The following GRB10 variants were observed in gnomAD, a reference collection of about 807,000 sequenced individuals.
GRB10 encodes growth factor receptor bound protein 10.
In GRB10, 20 loss-of-function variants were observed where a neutral mutation model predicts 80.9. That is an observed-to-expected ratio of 0.25 (90% CI 0.17 to 0.36). GRB10 has a LOEUF of 0.36. Among genes scored for constraint, GRB10 ranks in the 10% least tolerant of loss-of-function variants. The pLI, the probability that GRB10 is intolerant of heterozygous loss-of-function variation, is 1.00. For missense variants in GRB10, 548 were observed against 747.7 expected (o/e 0.73, Z 3.12); for synonymous variants, 291 against 291.5 (o/e 1.00, Z 0.02).
At chr7:50,598,320 T>C (rs1222191617) in intron 17 of GRB10, among the ~76,000 whole-genome samples, 2 of 152,200 alleles carry the variant, frequency 1.3e-5, no homozygotes, top group African/African-American at 4.8e-5. Flanking sequence ...ATTGCAGTTA[T>C]AGGAAAGATG....
intron 5 of GRB10, among the ~76,000 whole-genome samples, chr7:50,696,872 G>A (rs2063491958): frequency 6.6e-6 from 1 of 152,206 alleles, no homozygotes; most frequent in Non-Finnish European, 1.5e-5. Flanking sequence ...GTTCACAGCA[G>A]CACTATTCCC....
At chr7:50,669,606 GAGA>G in intron 7 of GRB10, 113 bp downstream of exon 7, 1 of 983,092 alleles carries the variant, frequency 1.0e-6, no homozygotes, top group South Asian at 1.4e-5. Flanking sequence ...AGAACTGAGA[GAGA>G]AGATCCCAGG....
At chr7:50,718,702 T>C (rs1402931625) in intron 4 of GRB10, among the ~76,000 whole-genome samples, 3 of 152,256 alleles carry the variant, frequency 2.0e-5, no homozygotes, top group East Asian at 3.9e-4. Flanking sequence ...TAACACCCAG[T>C]TCACCAGGAG....
intron 7 of GRB10, among the ~76,000 whole-genome samples, chr7:50,663,620 C>T (rs2059498950): frequency 6.6e-6 from 1 of 152,260 alleles, no homozygotes; most frequent in African/African-American, 2.4e-5. Context: ...ACTGGAGCCA[C>T]GTGTCTAACT....
chr7:50,780,428 A>G (rs561899866), intron 2 of GRB10, among the ~76,000 whole-genome samples, 199 bp downstream of exon 2: 75 of 152,194 alleles, frequency 4.9e-4, no homozygotes, highest in African/African-American at 1.7e-3. Context: ...TCTGCCCTTG[A>G]CCCTTCAGAC....
chr7:50,710,909 G>A (rs1205838534), intron 4 of GRB10: 1 of 1,612,600 alleles, frequency 6.2e-7, no homozygotes, highest in Non-Finnish European at 8.5e-7. Flanking sequence ...AGCTTGCATA[G>A]GAGGTCTCTC....
At chr7:50,703,566 GA>G (rs67529864) in intron 5 of GRB10, among the ~76,000 whole-genome samples, 11,248 of 152,244 alleles carry the variant, frequency 0.074, 1,422 homozygotes, top group African/African-American at 0.26. Context: ...CCTTTCGGCT[GA>G]AACCTAGATA....
In GRB10 at chr7:50,647,434, G is replaced by A. The variant is rs991903556; in HGVS notation, c.505-20456C>T. Among the ~76,000 whole-genome samples, 4 of 152,202 alleles carry A rather than the reference G, an allele frequency of 2.6e-5. No homozygotes were observed. In the East Asian group the frequency reaches 5.8e-4, roughly 22 times the overall value. ...CATCTCAGGCCCAGCTACATGGGGA[G>A]GGTGCGGATGTGCCCTCACTGTCAG... On this transcript the variant is annotated intron_variant, in intron 7 of 18. Coordinates refer to ENST00000401949, the MANE Select transcript of GRB10 (RefSeq NM_001350814.2).
At chr7:50,770,140 G>C (rs1269467330) in intron 2 of GRB10, among the ~76,000 whole-genome samples, 1 of 152,208 alleles carries the variant, frequency 6.6e-6, no homozygotes, top group African/African-American at 2.4e-5. Flanking sequence ...AGGCTCTCTA[G>C]ACTCAGGCGA....
At chr7:50,624,906 CCTTT>C (rs1311265917) in intron 8 of GRB10, among the ~76,000 whole-genome samples, 1 of 151,050 alleles carries the variant, frequency 6.6e-6, no homozygotes, top group Non-Finnish European at 1.5e-5. Flanking sequence ...TTTCCCTTTC[CCTTT>C]TTTTCCTTTT....
At chr7:50,695,332 G>T (rs193018956) in intron 5 of GRB10, among the ~76,000 whole-genome samples, 3 of 152,246 alleles carry the variant, frequency 2.0e-5, no homozygotes, top group Admixed American at 1.3e-4. Flanking sequence ...CTTGACAACT[G>T]CAAAACCTTT....
chr7:50,634,212 C>T (rs1316905653), intron 7 of GRB10, among the ~76,000 whole-genome samples: 5 of 152,154 alleles, frequency 3.3e-5, no homozygotes, highest in African/African-American at 1.2e-4. Flanking sequence ...CCTTACAAGT[C>T]AGAAGAGACT....
intron 4 of GRB10, among the ~76,000 whole-genome samples, chr7:50,725,091 C>T (rs1260135619): frequency 1.3e-5 from 2 of 152,098 alleles, no homozygotes; most frequent in African/African-American, 4.8e-5. Context: ...GCTGTAATGG[C>T]GACTGATATG....
chr7:50,710,887 C>A, intron 4 of GRB10: 2 of 1,612,860 alleles, frequency 1.2e-6, no homozygotes, highest in South Asian at 2.2e-5. Context: ...TACTACGGAA[C>A]AGAGGGCCGG....
intron 17 of GRB10, 72 bp from the exon 18 acceptor site, chr7:50,595,602 T>TACAGAC (rs1554453296): frequency 1.8e-6 from 1 of 560,268 alleles, no homozygotes; most frequent in African/African-American, 2.0e-5. Flanking sequence ...CACACTCTCT[T>TACAGAC]ACACACACAC....
intron 3 of GRB10, among the ~76,000 whole-genome samples, chr7:50,739,387 G>A (rs2329425): frequency 6.6e-6 from 1 of 152,070 alleles, no homozygotes; most frequent in African/African-American, 2.4e-5. Context: ...GTTTATGGTG[G>A]ATTTAAACTG....
intron 7 of GRB10, among the ~76,000 whole-genome samples, chr7:50,652,199 TA>T (rs2058075460): frequency 6.6e-6 from 1 of 152,166 alleles, no homozygotes; most frequent in African/African-American, 2.4e-5. Context: ...ACTCCATCTA[TA>T]AAAGTAAGTG....
intron 4 of GRB10, among the ~76,000 whole-genome samples, chr7:50,721,422 C>T (rs908555657): frequency 2.6e-5 from 4 of 152,142 alleles, no homozygotes; most frequent in Non-Finnish European, 4.4e-5. Context: ...GATCAACTGC[C>T]GCGGATCACA....
At chr7:50,602,783 T>G (rs1490888304) in intron 17 of GRB10, among the ~76,000 whole-genome samples, 1 of 152,198 alleles carries the variant, frequency 6.6e-6, no homozygotes, top group Non-Finnish European at 1.5e-5. Context: ...ATTTATTTAG[T>G]TAAGTGTAAT....
Sources: allele counts gnomAD v4.1 joint callset (sites outside exome capture counted in the v4.1 genomes callset), GRCh38; gene constraint gnomAD v4.1.1; transcripts MANE v1.5; gene names NCBI Gene and HGNC (gene_info 2026-07-23, HGNC 2026-07-21).